CADPS: variants seen among roughly 807,000 people sequenced by gnomAD.
CADPS encodes calcium-dependent secretion activator 1.
CADPS carries 57 observed loss-of-function variants against 167.3 expected under a neutral mutation model. That is an observed-to-expected ratio of 0.34 (90% CI 0.28 to 0.42). The LOEUF (loss-of-function observed/expected upper bound fraction) is 0.42, where lower values mean the gene tolerates loss of function less well. CADPS is among the 20% of genes least tolerant of loss of function. The probability of loss-of-function intolerance (pLI) is 1.00; values close to 1 mark genes in which losing one functional copy is unlikely to be tolerated. For synonymous variants in CADPS, 676 were observed against 635.3 expected, an observed-to-expected ratio of 1.06 and a Z score of -0.96; for missense variants, 1,414 against 1,738.1, an observed-to-expected ratio of 0.81 and a Z score of 3.32.
chr3:62,628,871 C>CGGGAG (rs1563089628), intron 6 of CADPS, among the ~76,000 whole-genome samples: 4 of 151,994 alleles, frequency 2.6e-5, no homozygotes, highest in Non-Finnish European at 5.9e-5. Context: ...GTGATTCACC[C>CGGGAG]GCCTCAGCCT....
chr3:62,635,557 T>C (rs1054103071), intron 6 of CADPS, among the ~76,000 whole-genome samples: 3 of 152,192 alleles, frequency 2.0e-5, no homozygotes, highest in Non-Finnish European at 4.4e-5. Context: ...TATGTGTGTG[T>C]ATGTATTTTA....
chr3:62,751,134 C>T (rs1364878548), intron 3 of CADPS, among the ~76,000 whole-genome samples: 1 of 152,098 alleles, frequency 6.6e-6, no homozygotes, highest in Non-Finnish European at 1.5e-5. Flanking sequence ...TAGAGAATAG[C>T]CATCTCTATA....
intron 13 of CADPS, 46 bp from the exon 14 acceptor site, chr3:62,518,296 C>T (rs904775057): frequency 7.3e-7 from 1 of 1,365,080 alleles, no homozygotes; most frequent in Non-Finnish European, 1.0e-6. Flanking sequence ...CATATGCTGA[C>T]ACCATCAAAT....
At chr3:62,840,663 C>T (rs1394727325) in intron 1 of CADPS, among the ~76,000 whole-genome samples, 2 of 152,052 alleles carry the variant, frequency 1.3e-5, no homozygotes, top group African/African-American at 4.8e-5. Flanking sequence ...AGTCAAAAGC[C>T]TGAGTCCCTG....
rs1252381555 is a variant in CADPS at position 62,557,414 on chromosome 3, G to T, written c.1744C>A (p.Pro582Thr). Residue 582 changes from proline (P) to threonine (T), a missense_variant, in exon 10 of 30, where the codon CCC becomes ACC. By Grantham distance (38) the Pro-to-Thr change is conservative (BLOSUM62 -1). Coordinates refer to ENST00000383710, the MANE Select transcript of CADPS (RefSeq NM_003716.4). ...GAGGGTCGGTGGGTACCTGGCTGGG[G>T]GTCGGTGTAATCCACAGTGTAGCCA... ...LDGYTVDYTDPQPGLEGGRAF... is the reference protein window; with the variant it reads ...LDGYTVDYTDTQPGLEGGRAF... The T allele has an allele frequency of 5.0e-6, 8 of 1,613,096 alleles. No homozygotes were observed. The highest frequency in any genetic ancestry group is 6.8e-6 in the Non-Finnish European group (8 of 1,179,096).
chr3:62,813,439 C>T (rs1317202778), intron 1 of CADPS, among the ~76,000 whole-genome samples: 5 of 151,964 alleles, frequency 3.3e-5, no homozygotes, highest in Non-Finnish European at 2.9e-5. Context: ...TGGACCCCTA[C>T]ATTTTACATA....
In CADPS at chr3:62,588,385, T is replaced by G. The variant is rs2085150896; in HGVS notation, c.1438-3061A>C. Among the ~76,000 whole-genome samples, 3 of 151,146 alleles carry G rather than the reference T, an allele frequency of 2.0e-5. No individual in the cohort carries two copies. In the South Asian group the frequency reaches 6.3e-4, roughly 32 times the overall value. On this transcript the variant is annotated intron_variant, in intron 7 of 29. Transcript: ENST00000383710. ...TCTGTGTCCCTTATGCTTTGTGAGG[T>G]TAAGGGTTTTTTACCAGTCATTATT...
chr3:62,742,284 T>C (rs2080439917), intron 3 of CADPS, among the ~76,000 whole-genome samples: 5 of 152,044 alleles, frequency 3.3e-5, no homozygotes, highest in Admixed American at 2.0e-4. Context: ...ATTAAAAAAT[T>C]CATACGGAAT....
At chr3:62,665,247 T>C (rs1279887518) in intron 3 of CADPS, among the ~76,000 whole-genome samples, 1 of 152,208 alleles carries the variant, frequency 6.6e-6, no homozygotes, top group South Asian at 2.1e-4. Context: ...TAATCAAGAC[T>C]TGGAGAAATT....
intron 3 of CADPS, among the ~76,000 whole-genome samples, chr3:62,708,495 G>C (rs1242640559): frequency 2.0e-5 from 3 of 151,932 alleles, no homozygotes; most frequent in Non-Finnish European, 4.4e-5. Flanking sequence ...AAGAGGTTGG[G>C]TAACTTGCCC....
intron 7 of CADPS, among the ~76,000 whole-genome samples, chr3:62,587,094 CAG>C (rs1242574253): frequency 6.6e-6 from 1 of 152,194 alleles, no homozygotes; most frequent in Non-Finnish European, 1.5e-5. Context: ...ATATGAGTGA[CAG>C]AGTGTTTGCC....
intron 3 of CADPS, among the ~76,000 whole-genome samples, chr3:62,709,829 G>C (rs1301230600): frequency 6.6e-6 from 1 of 151,980 alleles, no homozygotes; most frequent in East Asian, 1.9e-4. Flanking sequence ...GAGTGCAGTG[G>C]TGTAATCTCG....
intron 1 of CADPS, among the ~76,000 whole-genome samples, chr3:62,816,138 T>G (rs1051844759): frequency 6.6e-6 from 1 of 152,170 alleles, no homozygotes; most frequent in Non-Finnish European, 1.5e-5. Flanking sequence ...CTTAGCATAT[T>G]TATAAGAAAT....
At chr3:62,738,941 A>T (rs1193661547) in intron 3 of CADPS, among the ~76,000 whole-genome samples, 1 of 152,332 alleles carries the variant, frequency 6.6e-6, no homozygotes, top group Non-Finnish European at 1.5e-5. Context: ...ATGCCAGGGC[A>T]TGTCAGCAAT....
intron 16 of CADPS, among the ~76,000 whole-genome samples, chr3:62,515,268 C>T (rs564108392): frequency 3.6e-4 from 55 of 152,158 alleles, no homozygotes; most frequent in African/African-American, 1.3e-3. Flanking sequence ...ACAGAACTTC[C>T]ACATTTATAC....
rs748784191 is a variant in CADPS, at chr3:62,662,298, C to G, written c.969+16G>C. The G allele has an allele frequency of 6.2e-7, 1 of 1,610,482 alleles. No individual in the cohort carries two copies. Among genetic ancestry groups the G allele is most frequent in the South Asian group, 1.1e-5 (1 of 91,000 alleles). ...TTTGGCCTGGACCCCAGCAAACAACCACAATGTTTCCTTACCCTGGCTATT... is the reference window on the plus strand; with the variant it reads ...TTTGGCCTGGACCCCAGCAAACAACGACAATGTTTCCTTACCCTGGCTATT... On this transcript the variant is annotated intron_variant, in intron 4 of 29. Transcript: ENST00000383710.
chr3:62,778,958 T>C (rs1215648101), intron 1 of CADPS, among the ~76,000 whole-genome samples: 1 of 151,848 alleles, frequency 6.6e-6, no homozygotes, highest in Non-Finnish European at 1.5e-5. Flanking sequence ...TGGCACGATC[T>C]CAGCTCACTG....
At position 62,852,793 on chromosome 3, in the gene CADPS, T is replaced by C. The variant is rs993827291; in HGVS notation, c.441+21796A>G. Among the ~76,000 whole-genome samples the C allele has an allele frequency of 4.2e-4, 64 of 152,214 alleles. 2 individuals carry two copies. The highest frequency in any genetic ancestry group is 7.2e-5 in the African/African-American group (3 of 41,450). ...TTACAGGCCATGAACCATCCTTGTT[T>C]GCTTTTTTCTTCTGACATTTTTCCC... On this transcript the variant is annotated intron_variant, in intron 1 of 29. Coordinates refer to ENST00000383710, the MANE Select transcript of CADPS (RefSeq NM_003716.4).
intron 6 of CADPS, among the ~76,000 whole-genome samples, chr3:62,597,007 C>G (rs1390617385): frequency 6.6e-6 from 1 of 152,054 alleles, no homozygotes; most frequent in Admixed American, 6.6e-5. Flanking sequence ...TAGTGATTAG[C>G]AACACTGGAA....
Sources: allele counts gnomAD v4.1 joint callset (sites outside exome capture counted in the v4.1 genomes callset), GRCh38; gene constraint gnomAD v4.1.1; transcripts MANE v1.5; gene names NCBI Gene and HGNC (gene_info 2026-07-23, HGNC 2026-07-21).